Variants in DCLRE1C observed in about 807,000 individuals in gnomAD.
The protein encoded by DCLRE1C is DNA cross-link repair 1C.
Under a neutral mutation model 61.4 loss-of-function variants are expected in DCLRE1C, and 47 were observed. The ratio of observed to expected loss-of-function variants is 0.77; its 90% CI spans 0.61 to 0.98. The LOEUF (loss-of-function observed/expected upper bound fraction) is 0.98. Ranked by LOEUF, DCLRE1C falls within the 50% of genes least tolerant of loss-of-function variation. The pLI is 0.00. For missense variants in DCLRE1C, 858 were observed against 816.0 expected, an observed-to-expected ratio of 1.05 and a Z score of -0.63; for synonymous variants, 337 against 287.6, an observed-to-expected ratio of 1.17 and a Z score of -1.74.
chr10:14,913,677 A>C (rs1407216380), intron 13 of DCLRE1C, among the ~76,000 whole-genome samples: 1 of 152,266 alleles, frequency 6.6e-6, no homozygotes, highest in Non-Finnish European at 1.5e-5. Flanking sequence ...AAAATACAAA[A>C]AACACAAAAA....
chr10:14,910,442 C>G (rs534127122), intron 13 of DCLRE1C, among the ~76,000 whole-genome samples: 3 of 152,148 alleles, frequency 2.0e-5, no homozygotes, highest in Non-Finnish European at 1.5e-5. Flanking sequence ...ACCTCTCAGG[C>G]TCAGGAGATC....
intron 13 of DCLRE1C, among the ~76,000 whole-genome samples, chr10:14,918,631 A>T (rs946704380): frequency 2.6e-4 from 37 of 141,760 alleles, no homozygotes; most frequent in Middle Eastern, 3.6e-3. Context: ...CTGTTTTTTA[A>T]AAAAAAAAAA....
In DCLRE1C at chr10:14,941,335, A is replaced by G. The variant is rs1840819938; in HGVS notation, c.247-1466T>C. ...GCTCTCGCTGTGTTAGCCAGCCTGG[A>G]GTGCAGTGGCACAGTCACGGCTCAC... On this transcript the variant is annotated intron_variant, in intron 3 of 13. Transcript: ENST00000378278. 5.9e-5 allele frequency among the ~76,000 whole-genome samples: 9 copies of G among 152,238 alleles called. No individual in the cohort carries two copies. In the South Asian group the frequency reaches 1.9e-3, roughly 32 times the overall value.
At chr10:14,926,748 C>G (rs1838055465) in intron 11 of DCLRE1C, 95 bp downstream of exon 11, 1 of 901,974 alleles carries the variant, frequency 1.1e-6, no homozygotes, top group African/African-American at 1.7e-5. Context: ...TACATAGAAA[C>G]AGAGATGCTT....
chr10:14,920,189 A>G, intron 12 of DCLRE1C, among the ~76,000 whole-genome samples: 1 of 152,186 alleles, frequency 6.6e-6, no homozygotes, highest in Non-Finnish European at 1.5e-5. Context: ...CTATGAATAC[A>G]GTGACATCCT....
chr10:14,936,565 G>A lies in DCLRE1C; in HGVS notation c.335C>T (p.Pro112Leu). 1 of 1,612,838 alleles carries A rather than the reference G, an allele frequency of 6.2e-7. No individual in the cohort carries two copies. The highest frequency in any genetic ancestry group is 1.1e-5 in the South Asian group (1 of 90,996). ...AACTGATCCCGGACAGTGACCAGCT[G>A]GTAAGAGAGTCACAACAATCTCTTC... ...EKEEIVVTLL[P>L]AGHCPGSVMF... is the part of the protein sequence containing the mutation. The change falls in exon 5 of 14, where the codon CCA (proline) becomes CTA (leucine). Residue 112 changes from proline to leucine, a missense_variant. Physicochemically the swap from Pro to Leu is moderately conservative, Grantham distance 98. Coordinates refer to ENST00000378278, the MANE Select transcript of DCLRE1C (RefSeq NM_001033855.3).
At chr10:14,939,281 A>G (rs1223413287) in intron 4 of DCLRE1C, among the ~76,000 whole-genome samples, 2 of 152,110 alleles carry the variant, frequency 1.3e-5, no homozygotes, top group Non-Finnish European at 1.5e-5. Flanking sequence ...TACTAAAAAT[A>G]CAATAATTAG....
chr10:14,954,162 G>C, upstream of DCLRE1C: 16 of 1,367,384 alleles, frequency 1.2e-5, no homozygotes, highest in Non-Finnish European at 1.6e-5. Context: ...CGGAGACCGG[G>C]GGCAAAGTCA....
At chr10:14,914,408 T>C (rs2131833450) in intron 13 of DCLRE1C, among the ~76,000 whole-genome samples, 1 of 152,112 alleles carries the variant, frequency 6.6e-6, no homozygotes, top group East Asian at 1.9e-4. Flanking sequence ...CAAGGCAAAA[T>C]AGGCAAGTCC....
chr10:14,922,971 G>A lies in DCLRE1C; in HGVS notation c.1061+10C>T. The A allele has an allele frequency of 6.2e-7, 1 of 1,606,822 alleles. No homozygotes were observed. The highest frequency in any genetic ancestry group is 8.5e-7 in the Non-Finnish European group (1 of 1,173,296). ...GGGGACACCAAGTCCCACAACCAGT[G>A]ACTACTCACATTTCGACAACTTTAT... On this transcript the variant is annotated intron_variant, in intron 12 of 13. Transcript: ENST00000378278.
At chr10:14,941,836 C>T (rs996122119) in intron 3 of DCLRE1C, among the ~76,000 whole-genome samples, 3 of 152,100 alleles carry the variant, frequency 2.0e-5, no homozygotes, top group African/African-American at 7.2e-5. Flanking sequence ...TCCACATTCA[C>T]ACATTTTCTG....
intron 9 of DCLRE1C, among the ~76,000 whole-genome samples, chr10:14,929,309 C>T (rs561638827): frequency 5.7e-4 from 86 of 152,078 alleles, no homozygotes; most frequent in African/African-American, 1.8e-3. Context: ...GAGGCTGAGG[C>T]GGGAGAATCG....
At chr10:14,941,410 G>A (rs185772293) in intron 3 of DCLRE1C, among the ~76,000 whole-genome samples, 76 of 152,168 alleles carry the variant, frequency 5.0e-4, no homozygotes, top group Non-Finnish European at 9.0e-4. Context: ...TCAGCCTTCT[G>A]AGTGGCTGGG....
chr10:14,952,721 AAAGAAG>A (rs1020377055), intron 1 of DCLRE1C, among the ~76,000 whole-genome samples: 51 of 152,330 alleles, frequency 3.3e-4, no homozygotes, highest in African/African-American at 1.2e-3. Context: ...AAAAAAAGAA[AAAGAAG>A]AAGGAGATGC....
chr10:14,914,677 G>T (rs891791022), intron 13 of DCLRE1C, among the ~76,000 whole-genome samples: 8 of 152,284 alleles, frequency 5.3e-5, no homozygotes, highest in African/African-American at 1.7e-4. Context: ...AGGTGTGGTG[G>T]CTCACGCCTG....
At chr10:14,953,255 G>A (rs952527456) in intron 1 of DCLRE1C, among the ~76,000 whole-genome samples, 1 of 152,318 alleles carries the variant, frequency 6.6e-6, no homozygotes, top group African/African-American at 2.4e-5. Flanking sequence ...CTGGAACTTA[G>A]CTCCAATCTC....
At position 14,906,731 on chromosome 10, in the gene DCLRE1C, A is replaced by ATAATC. The variant is rs1214450350; in HGVS notation, c.*1672_*1676dup. Among the ~76,000 whole-genome samples, 3 of 152,180 alleles carry ATAATC rather than the reference A, an allele frequency of 2.0e-5. No individual in the cohort carries two copies. The highest frequency in any genetic ancestry group is 6.5e-5 in the Admixed American group (1 of 15,276). ...AAGTGGTGTCTCTGCTTTTGCTTCC[A>ATAATC]TAATCTATGAAATGTCACAATAACT... On this transcript the variant is annotated 3_prime_UTR_variant, in exon 14 of 14. Coordinates refer to ENST00000378278, the MANE Select transcript of DCLRE1C (RefSeq NM_001033855.3).
At chr10:14,932,561 A>G (rs1185081696) in intron 9 of DCLRE1C, among the ~76,000 whole-genome samples, 1 of 152,056 alleles carries the variant, frequency 6.6e-6, no homozygotes. Flanking sequence ...ACGTGAACCC[A>G]GGGGGCGGAG....
At position 14,904,905 on chromosome 10, in the gene DCLRE1C, A is replaced by C. The variant is rs143248273; in HGVS notation, c.*3503T>G. On this transcript the variant is annotated 3_prime_UTR_variant, in exon 14 of 14. Transcript: ENST00000378278. Reference sequence around the variant, plus strand: ...TGATACCATCATTTTCAGGATCTACATTAAGAGGATGGTGATACATAATTA... The same window carrying C: ...TGATACCATCATTTTCAGGATCTACCTTAAGAGGATGGTGATACATAATTA... 6.2e-3 allele frequency among the ~76,000 whole-genome samples: 943 copies of C among 152,370 alleles called. 9 individuals carry two copies. Among genetic ancestry groups the C allele is most frequent in the African/African-American group, 0.021 (891 of 41,592 alleles).
Sources: allele counts gnomAD v4.1 joint callset (sites outside exome capture counted in the v4.1 genomes callset), GRCh38; gene constraint gnomAD v4.1.1; transcripts MANE v1.5; gene names NCBI Gene and HGNC (gene_info 2026-07-23, HGNC 2026-07-21).